The following PCCA variants were observed in gnomAD, a reference collection of about 807,000 sequenced individuals.
PCCA encodes the protein propionyl-CoA carboxylase alpha chain, mitochondrial.
PCCA carries 74 observed loss-of-function variants against 101.3 expected under a neutral mutation model. The ratio of observed to expected loss-of-function variants is 0.73; its 90% confidence interval spans 0.61 to 0.89. The LOEUF is 0.89. Among genes scored for constraint, PCCA ranks in the 40% least tolerant of loss-of-function variants. The probability of loss-of-function intolerance (pLI) is 0.00; values close to 1 mark genes in which losing one functional copy is unlikely to be tolerated. For synonymous variants in PCCA, 294 were observed against 313.6 expected, an observed-to-expected ratio of 0.94 and a Z score of 0.66; for missense variants, 891 against 907.0, an observed-to-expected ratio of 0.98 and a Z score of 0.23.
intron 19 of PCCA, among the ~76,000 whole-genome samples, chr13:100,405,835 C>T (rs368426056): frequency 3.5e-5 from 5 of 141,690 alleles, no homozygotes; most frequent in South Asian, 2.2e-4. Flanking sequence ...CAGTAAATCT[C>T]GGCTTACTGC....
At chr13:100,202,658 G>A (rs1441289409) in intron 6 of PCCA, among the ~76,000 whole-genome samples, 1 of 148,690 alleles carries the variant, frequency 6.7e-6, no homozygotes, top group Non-Finnish European at 1.5e-5. Context: ...TTTTGCTTTG[G>A]TTCTCTTCAA....
intron 7 of PCCA, among the ~76,000 whole-genome samples, chr13:100,218,438 T>TC (rs927489013): frequency 3.1e-4 from 47 of 151,588 alleles, no homozygotes; most frequent in Admixed American, 1.2e-3. Context: ...CGCCTTGGCC[T>TC]CCCAAAGTGC....
intron 4 of PCCA, among the ~76,000 whole-genome samples, chr13:100,125,451 G>A (rs376599733): frequency 1.6e-4 from 24 of 152,330 alleles, no homozygotes; most frequent in East Asian, 1.3e-3. Flanking sequence ...AATGGGAAGG[G>A]AGGAATTGTT....
chr13:100,151,902 CAA>C lies in PCCA; in HGVS notation c.301-3075_301-3074del, dbSNP rs554898601. On this transcript the variant is annotated intron_variant, in intron 4 of 23. Coordinates refer to ENST00000376285, the MANE Select transcript of PCCA (RefSeq NM_000282.4). Reference sequence around the variant, plus strand: ...TTTCAAGATGTTGAAATTTTTGAAACAAATATATCTACTCAGCCTATGCAATA... The same window carrying C: ...TTTCAAGATGTTGAAATTTTTGAAACATATATCTACTCAGCCTATGCAATA... Among the ~76,000 whole-genome samples, 464 of 152,072 alleles carry C rather than the reference CAA, an allele frequency of 3.1e-3. 2 individuals are homozygous for C. Among genetic ancestry groups the C allele is most frequent in the African/African-American group, 0.011 (445 of 41,496 alleles).
chr13:100,238,084 A>C (rs1045568587), intron 8 of PCCA, among the ~76,000 whole-genome samples: 3 of 151,774 alleles, frequency 2.0e-5, no homozygotes, highest in African/African-American at 7.3e-5. Flanking sequence ...GATTGCAGGC[A>C]CACACCACAA....
chr13:100,473,534 G>C lies in PCCA; in HGVS notation c.1899+24229G>C, dbSNP rs145229702. ...TATTTCTTAGGTTACACTCTCTATAGTACATACACTCAGACAGAAAAATAT... is the reference window on the plus strand; with the variant it reads ...TATTTCTTAGGTTACACTCTCTATACTACATACACTCAGACAGAAAAATAT... On this transcript the variant is annotated intron_variant, in intron 21 of 23. Coordinates refer to ENST00000376285, the MANE Select transcript of PCCA (RefSeq NM_000282.4). 2.0e-5 allele frequency among the ~76,000 whole-genome samples: 3 copies of C among 152,236 alleles called. No individual in the cohort carries two copies. In the East Asian group the frequency reaches 5.8e-4, roughly 29 times the overall value.
intron 12 of PCCA, among the ~76,000 whole-genome samples, chr13:100,295,079 G>T (rs1308560047): frequency 6.6e-6 from 1 of 152,138 alleles, no homozygotes; most frequent in African/African-American, 2.4e-5. Context: ...TCATCCTTGA[G>T]TGCTGTGGAT....
At chr13:100,437,016 T>A (rs1032885345) in intron 20 of PCCA, among the ~76,000 whole-genome samples, 1 of 152,218 alleles carries the variant, frequency 6.6e-6, no homozygotes, top group Non-Finnish European at 1.5e-5. Context: ...TGTTGGCCTC[T>A]GTTTGCTCTG....
chr13:100,211,777 A>G (rs544855755), intron 7 of PCCA, among the ~76,000 whole-genome samples: 14 of 152,106 alleles, frequency 9.2e-5, no homozygotes, highest in African/African-American at 1.7e-4. Context: ...GTCTTGTTCT[A>G]TCACCCAGGC....
chr13:100,106,126 A>C (rs1015912900), intron 2 of PCCA, among the ~76,000 whole-genome samples: 2 of 152,146 alleles, frequency 1.3e-5, no homozygotes, highest in African/African-American at 4.8e-5. Flanking sequence ...TGGTTAGCCA[A>C]AGCAGAATAT....
At chr13:100,256,158 C>T (rs1445739078) in intron 8 of PCCA, among the ~76,000 whole-genome samples, 1 of 152,080 alleles carries the variant, frequency 6.6e-6, no homozygotes, top group African/African-American at 2.4e-5. Context: ...AGACGCACAC[C>T]ACCACACCCA....
At chr13:100,259,277 C>T (rs1452319193) in intron 9 of PCCA, among the ~76,000 whole-genome samples, 4 of 144,982 alleles carry the variant, frequency 2.8e-5, no homozygotes, top group Non-Finnish European at 6.0e-5. Context: ...GCATCTATGA[C>T]TTGTCTTGGA....
intron 6 of PCCA, among the ~76,000 whole-genome samples, chr13:100,192,005 G>A (rs541176874): frequency 1.1e-4 from 17 of 152,296 alleles, no homozygotes; most frequent in African/African-American, 3.6e-4. Context: ...TGATCTGAAC[G>A]TGTTAAATTG....
intron 6 of PCCA, among the ~76,000 whole-genome samples, chr13:100,187,630 A>T (rs992813165): frequency 2.6e-5 from 4 of 152,166 alleles, no homozygotes; most frequent in African/African-American, 9.7e-5. Flanking sequence ...AACAATAATT[A>T]TTTTTTAAAA....
At chr13:100,524,586 T>C (rs867741332) in intron 22 of PCCA, among the ~76,000 whole-genome samples, 95 of 152,134 alleles carry the variant, frequency 6.2e-4, no homozygotes, top group African/African-American at 2.2e-3. Flanking sequence ...AGCTAAATAA[T>C]CTAGGCTGGG....
chr13:100,288,196 C>T (rs1005058440), intron 12 of PCCA, among the ~76,000 whole-genome samples: 1 of 152,106 alleles, frequency 6.6e-6, no homozygotes, highest in Admixed American at 6.5e-5. Context: ...CCCATATGCC[C>T]CTCCCTCATG....
intron 6 of PCCA, among the ~76,000 whole-genome samples, chr13:100,160,028 C>T (rs915541363): frequency 4.6e-5 from 7 of 152,158 alleles, no homozygotes; most frequent in Admixed American, 1.3e-4. Context: ...ATATCCAGGA[C>T]TAAAATGATT....
intron 6 of PCCA, chr13:100,161,066 G>A (rs1258457168): frequency 2.0e-5 from 3 of 152,262 alleles, no homozygotes; most frequent in South Asian, 2.1e-4. Flanking sequence ...TGTGCTGAGC[G>A]TGTGAGGTTT....
chr13:100,242,859 A>G (rs1203148270), intron 8 of PCCA, among the ~76,000 whole-genome samples: 1 of 152,162 alleles, frequency 6.6e-6, no homozygotes, highest in African/African-American at 2.4e-5. Context: ...ATTGCTTTAT[A>G]TTAATTTGAT....
Sources: gnomAD v4.1 joint callset for allele counts (sites outside exome capture counted in the v4.1 genomes callset) on GRCh38, gnomAD v4.1.1 for gene constraint, MANE v1.5 for transcripts, NCBI Gene and HGNC (gene_info 2026-07-23, HGNC 2026-07-21) for gene names.